Variants in LIMD1 observed in about 807,000 individuals in gnomAD.
The protein encoded by LIMD1 is LIM domain-containing protein 1.
A neutral mutation model predicts 58.4 loss-of-function variants in LIMD1; 23 were observed. The observed-to-expected ratio is 0.39, with a 90% CI of 0.28 to 0.56. The LOEUF (loss-of-function observed/expected upper bound fraction) is 0.56, where lower values mean the gene tolerates loss of function less well. Ranked by LOEUF, LIMD1 falls within the 20% of genes least tolerant of loss-of-function variation. LIMD1 has a pLI of 0.57. For missense variants in LIMD1, 838 were observed against 855.5 expected, an observed-to-expected ratio of 0.98 and a Z score of 0.25; for synonymous variants, 334 against 345.5, an observed-to-expected ratio of 0.97 and a Z score of 0.37.
intron 1 of LIMD1, among the ~76,000 whole-genome samples, chr3:45,614,796 A>T (rs1051254337): frequency 6.7e-6 from 1 of 148,616 alleles, no homozygotes; most frequent in Non-Finnish European, 1.5e-5. Context: ...CGTTTTTTAA[A>T]CCTTAAACAC....
At chr3:45,654,872 G>A (rs1252870887) in intron 2 of LIMD1, among the ~76,000 whole-genome samples, 1 of 149,032 alleles carries the variant, frequency 6.7e-6, no homozygotes, top group African/African-American at 2.5e-5. Context: ...TCTACAGGAA[G>A]TGTCTTTTTG....
chr3:45,599,525 A>G (rs1162813474), intron 1 of LIMD1, among the ~76,000 whole-genome samples: 1 of 152,232 alleles, frequency 6.6e-6, no homozygotes, highest in Non-Finnish European at 1.5e-5. Context: ...TTCTGGGTGT[A>G]ATAAGCATGT....
chr3:45,660,197 GT>G (rs1697411370), intron 2 of LIMD1, among the ~76,000 whole-genome samples: 1 of 152,022 alleles, frequency 6.6e-6, no homozygotes, highest in Non-Finnish European at 1.5e-5. Flanking sequence ...CCGTTTCCTG[GT>G]GGCCTCCTAG....
chr3:45,616,348 A>T (rs1246668244), intron 1 of LIMD1, among the ~76,000 whole-genome samples: 2 of 152,028 alleles, frequency 1.3e-5, no homozygotes, highest in Non-Finnish European at 2.9e-5. Context: ...CAATGAGTTG[A>T]GATTGTTAGA....
intron 1 of LIMD1, among the ~76,000 whole-genome samples, chr3:45,622,017 C>G (rs1472815826): frequency 6.8e-6 from 1 of 146,730 alleles, no homozygotes; most frequent in Non-Finnish European, 1.5e-5. Context: ...GAGCCGAGAT[C>G]ACACCACTGT....
rs183285394 is a variant in LIMD1 at position 45,647,663 on chromosome 3, T to C, written c.1510+11412T>C. Among the ~76,000 whole-genome samples the C allele has an allele frequency of 5.3e-5, 8 of 152,306 alleles. No individual in the cohort carries two copies. The South Asian group carries it at 8.3e-4, about 16-fold the overall frequency. Reference sequence around the variant, plus strand: ...ATCACTGCTGTCACCTCCAGTCTGGTCTCTGGGCACAGCAGCGAGGAGGCC... The same window carrying C: ...ATCACTGCTGTCACCTCCAGTCTGGCCTCTGGGCACAGCAGCGAGGAGGCC... On this transcript the variant is annotated intron_variant, in intron 2 of 7. Transcript: ENST00000273317.
At chr3:45,649,875 CTTT>C (rs1248140901) in intron 2 of LIMD1, among the ~76,000 whole-genome samples, 2 of 121,864 alleles carry the variant, frequency 1.6e-5, no homozygotes, top group Non-Finnish European at 3.5e-5. Flanking sequence ...TATTTTCTCC[CTTT>C]TTTTTTTTAA....
intron 1 of LIMD1, among the ~76,000 whole-genome samples, chr3:45,604,188 C>T (rs923524662): frequency 6.6e-6 from 1 of 152,216 alleles, no homozygotes; most frequent in African/African-American, 2.4e-5. Context: ...TTGGTGCCGT[C>T]TGCCCAGGGC....
At chr3:45,600,552 C>T (rs1701401393) in intron 1 of LIMD1, among the ~76,000 whole-genome samples, 1 of 152,170 alleles carries the variant, frequency 6.6e-6, no homozygotes, top group African/African-American at 2.4e-5. Flanking sequence ...CCCGTTGCCT[C>T]TTTGTGTCTC....
At chr3:45,635,833 C>G in intron 1 of LIMD1, 1 of 951,108 alleles carries the variant, frequency 1.1e-6, no homozygotes, top group Non-Finnish European at 1.2e-6. Flanking sequence ...TCTGAACTGT[C>G]TTACAAACAG....
intron 1 of LIMD1, among the ~76,000 whole-genome samples, chr3:45,617,682 T>C (rs910240652): frequency 6.6e-6 from 1 of 152,232 alleles, no homozygotes; most frequent in Non-Finnish European, 1.5e-5. Flanking sequence ...CAAAGTGTGC[T>C]TGTGAAACTT....
At chr3:45,675,393 G>C (rs771192612) in intron 7 of LIMD1, among the ~76,000 whole-genome samples, 34 of 152,202 alleles carry the variant, frequency 2.2e-4, no homozygotes, top group Non-Finnish European at 4.1e-4. Context: ...AGTGGGCGTG[G>C]TGGCACACGC....
chr3:45,659,893 A>C (rs1365468150), intron 2 of LIMD1, among the ~76,000 whole-genome samples: 1 of 152,228 alleles, frequency 6.6e-6, no homozygotes, highest in African/African-American at 2.4e-5. Flanking sequence ...GCAGTAGCTT[A>C]TGAAAATATA....
At position 45,686,310 on chromosome 3, in the gene LIMD1, T is replaced by C. The variant is rs960343195; in HGVS notation, c.*9251T>C. 2.0e-5 allele frequency: 3 copies of C among 151,946 alleles called. No individual in the cohort carries two copies. Among genetic ancestry groups the C allele is most frequent in the African/African-American group, 2.4e-5 (1 of 41,310 alleles). 9.4% of individuals were successfully genotyped at this position (151,946 alleles called of 1,614,324 possible). A position where few individuals can be genotyped will look rare whatever the true frequency, so the allele number is the denominator to read the frequency against. On this transcript the variant is annotated 3_prime_UTR_variant, in exon 8 of 8. Transcript: ENST00000273317. ...TGAGTGTTAGCCGTCTCTCGGTCGC[T>C]GGCTAATAAAGGACTCTTAATTCGT...
At chr3:45,666,437 G>A (rs189038349) in intron 3 of LIMD1, among the ~76,000 whole-genome samples, 11 of 152,298 alleles carry the variant, frequency 7.2e-5, no homozygotes, top group African/African-American at 2.6e-4. Flanking sequence ...CTTGGTCCCA[G>A]CATGTGCAGG....
rs776587629 is a variant in LIMD1, at chr3:45,672,750, G to A, written c.1702G>A (p.Glu568Lys). ...PGCFRCVICN[E>K]CLDGVPFTVD... ...CTGTTTCCGCTGTGTCATCTGTAAT[G>A]AGTGTTTGGATGGGGTGCCCTTCAC... Residue 568 changes from glutamate to lysine, a missense_variant, in exon 5 of 8, where the codon GAG (glutamate) becomes AAG (lysine). This residue lies in a region of LIMD1 where 174 missense variants were observed against 197.4 expected (regional missense o/e 0.88). Coordinates refer to ENST00000273317, the MANE Select transcript of LIMD1 (RefSeq NM_014240.3). The A allele has an allele frequency of 6.2e-7, 1 of 1,614,078 alleles. No individual in the cohort carries two copies. Among genetic ancestry groups the A allele is most frequent in the Non-Finnish European group, 8.5e-7 (1 of 1,179,964 alleles).
At chr3:45,670,417 G>C (rs1697575023) in intron 4 of LIMD1, among the ~76,000 whole-genome samples, 1 of 152,174 alleles carries the variant, frequency 6.6e-6, no homozygotes. Flanking sequence ...TGTGGGTCAG[G>C]ATTTAGGTCA....
rs931412529 is a variant in LIMD1, at chr3:45,681,480, A to C, written c.*4421A>C. ...TTATGAGACTCATAGGTCAGAGACA[A>C]AGGACAGTTTATTATAGCAATAGCA... is the stretch of plus-strand genomic sequence containing the variant. On this transcript the variant is annotated 3_prime_UTR_variant, in exon 8 of 8. Coordinates refer to ENST00000273317, the MANE Select transcript of LIMD1 (RefSeq NM_014240.3). 1 of 152,262 alleles carries C rather than the reference A, an allele frequency of 6.6e-6. No homozygotes were observed. Among genetic ancestry groups the C allele is most frequent in the Non-Finnish European group, 1.5e-5 (1 of 68,060 alleles). 9.4% of individuals were successfully genotyped at this position (152,262 alleles called of 1,614,324 possible). A position where few individuals can be genotyped will look rare whatever the true frequency, so the allele number is the denominator to read the frequency against.
At chr3:45,599,564 A>G (rs1451480778) in intron 1 of LIMD1, among the ~76,000 whole-genome samples, 1 of 152,240 alleles carries the variant, frequency 6.6e-6, no homozygotes, top group East Asian at 1.9e-4. Flanking sequence ...CAGTGGTGGC[A>G]TGCTGTTCCA....
Sources: gnomAD v4.1 joint callset for allele counts (sites outside exome capture counted in the v4.1 genomes callset) on GRCh38, gnomAD v4.1.1 for gene constraint, gnomAD v4.1.1 regional missense constraint, MANE v1.5 for transcripts, NCBI Gene and HGNC (gene_info 2026-07-23, HGNC 2026-07-21) for gene names.